KCNJ16: variants seen among roughly 807,000 people sequenced by gnomAD.
KCNJ16 encodes inward rectifier potassium channel 16.
KCNJ16 carries 15 observed loss-of-function variants against 18.5 expected under a neutral mutation model. That is an observed-to-expected ratio of 0.81 (90% CI 0.54 to 1.25). The LOEUF (loss-of-function observed/expected upper bound fraction) is 1.25, where lower values mean the gene tolerates loss of function less well. Ranked by LOEUF, KCNJ16 falls within the 50% of genes most tolerant of loss-of-function variation. KCNJ16 has a pLI of 0.00. For missense variants in KCNJ16, 523 were observed against 525.7 expected (o/e 0.99, Z 0.05); for synonymous variants, 174 against 186.5 (o/e 0.93, Z 0.55).
At chr17:70,119,009 G>T (rs1379443308) in intron 2 of KCNJ16, among the ~76,000 whole-genome samples, 1 of 152,182 alleles carries the variant, frequency 6.6e-6, no homozygotes, top group East Asian at 1.9e-4. Context: ...GTACAAACAG[G>T]CGTTGGATAA....
intron 2 of KCNJ16, among the ~76,000 whole-genome samples, chr17:70,111,055 G>A (rs938022989): frequency 2.6e-5 from 4 of 152,016 alleles, no homozygotes; most frequent in African/African-American, 9.7e-5. Flanking sequence ...CTACAACCCT[G>A]GTGTCTGGAG....
intron 1 of KCNJ16, among the ~76,000 whole-genome samples, chr17:70,089,501 T>C (rs1422349846): frequency 1.3e-5 from 2 of 152,202 alleles, no homozygotes; most frequent in Non-Finnish European, 2.9e-5. Context: ...TTTGTTTGTT[T>C]GTATGTTTTA....
At chr17:70,093,607 A>T (rs925547049) in intron 1 of KCNJ16, among the ~76,000 whole-genome samples, 3 of 152,202 alleles carry the variant, frequency 2.0e-5, no homozygotes, top group African/African-American at 7.2e-5. Flanking sequence ...CCCATAATAG[A>T]TAGTGATGAC....
chr17:70,090,736 G>A (rs1317416635), intron 1 of KCNJ16, among the ~76,000 whole-genome samples: 1 of 145,912 alleles, frequency 6.9e-6, no homozygotes, highest in East Asian at 2.0e-4. Flanking sequence ...TCACAATATG[G>A]CTAACCCACT....
chr17:70,108,470 A>AG, intron 2 of KCNJ16: 1 of 148,444 alleles, frequency 6.7e-6, no homozygotes, highest in African/African-American at 2.6e-5. Context: ...CATAGTTTAA[A>AG]AGACAAATCA....
At chr17:70,119,712 C>A (rs557309841) in intron 2 of KCNJ16, among the ~76,000 whole-genome samples, 1 of 152,338 alleles carries the variant, frequency 6.6e-6, no homozygotes, top group East Asian at 1.9e-4. Flanking sequence ...GGGCCCTAGG[C>A]CCTGCCCACA....
At chr17:70,084,963 C>A (rs972930778) in intron 1 of KCNJ16, among the ~76,000 whole-genome samples, 1 of 152,130 alleles carries the variant, frequency 6.6e-6, no homozygotes, top group East Asian at 1.9e-4. Flanking sequence ...CCAACGCTTT[C>A]ATCTTAATCT....
chr17:70,118,446 C>T (rs191839724), intron 2 of KCNJ16, among the ~76,000 whole-genome samples: 1 of 151,696 alleles, frequency 6.6e-6, no homozygotes, highest in East Asian at 1.9e-4. Context: ...CAAATAAATG[C>T]TGAAAAAAAA....
chr17:70,133,552 A>C lies in KCNJ16; in HGVS notation c.*208A>C, dbSNP rs2074141131. ...TTTTCTTGTTCGCCAATTTTGTATT[A>C]AGAATGCTATTAAGCCTAATTGATT... On this transcript the variant is annotated 3_prime_UTR_variant, in exon 4 of 4. Transcript: ENST00000392671. The C allele has an allele frequency of 5.8e-6, 3 of 514,046 alleles. No individual in the cohort carries two copies. Among genetic ancestry groups the C allele is most frequent in the Non-Finnish European group, 1.1e-5 (3 of 285,142 alleles). 31.8% of individuals were successfully genotyped at this position (514,046 alleles called of 1,614,324 possible).
chr17:70,123,360 A>G (rs554759065), intron 2 of KCNJ16, among the ~76,000 whole-genome samples: 1 of 152,354 alleles, frequency 6.6e-6, no homozygotes, highest in Non-Finnish European at 1.5e-5. Flanking sequence ...TGCATGAGTC[A>G]TGCAGCCTTT....
chr17:70,129,543 T>C (rs990824179), intron 2 of KCNJ16, among the ~76,000 whole-genome samples: 1 of 152,190 alleles, frequency 6.6e-6, no homozygotes, highest in Admixed American at 6.5e-5. Flanking sequence ...CAACTGTCTT[T>C]TAAAAAATGC....
At chr17:70,094,712 C>A (rs1210117774) in intron 1 of KCNJ16, among the ~76,000 whole-genome samples, 1 of 152,082 alleles carries the variant, frequency 6.6e-6, no homozygotes, top group Non-Finnish European at 1.5e-5. Context: ...ATACCACTGT[C>A]CCCCGCAGGT....
At position 70,132,813 on chromosome 17, in the gene KCNJ16, C is replaced by T. The variant is rs139278036; in HGVS notation, c.726C>T (p.Asn242=). The T allele has an allele frequency of 1.2e-3, 1,998 of 1,613,956 alleles. 25 individuals carry two copies. The South Asian group carries it at 0.015, about 12-fold the overall frequency. Residue 242 remains asparagine (N), a synonymous_variant, in exon 4 of 4, where the codon AAC becomes AAT. Coordinates refer to ENST00000392671, the MANE Select transcript of KCNJ16 (RefSeq NM_170741.4). ...TMAFKDLKLV[N]DQIILVTPVT... is the part of the protein sequence containing the mutation. ...CATTTAAAGACCTCAAATTAGTCAACGACCAAATCATCCTGGTCACCCCGG... is the reference window on the plus strand; with the variant it reads ...CATTTAAAGACCTCAAATTAGTCAATGACCAAATCATCCTGGTCACCCCGG...
At chr17:70,114,295 A>G (rs1468968484) in intron 2 of KCNJ16, among the ~76,000 whole-genome samples, 2 of 152,162 alleles carry the variant, frequency 1.3e-5, no homozygotes, top group African/African-American at 4.8e-5. Flanking sequence ...AGCAGATTGA[A>G]TAGACTAATA....
intron 2 of KCNJ16, among the ~76,000 whole-genome samples, chr17:70,122,445 G>C (rs1297182881): frequency 6.6e-6 from 1 of 152,102 alleles, no homozygotes; most frequent in Non-Finnish European, 1.5e-5. Flanking sequence ...CCAAAGTGCT[G>C]GAATTACAGG....
chr17:70,127,189 T>C (rs1454380157), intron 2 of KCNJ16, among the ~76,000 whole-genome samples: 1 of 151,944 alleles, frequency 6.6e-6, no homozygotes, highest in East Asian at 1.9e-4. Flanking sequence ...GGAGAAGAGA[T>C]CAGAAAGGGA....
intron 1 of KCNJ16, among the ~76,000 whole-genome samples, chr17:70,079,948 C>G (rs931240782): frequency 6.6e-6 from 1 of 152,134 alleles, no homozygotes; most frequent in Non-Finnish European, 1.5e-5. Context: ...AGTAATCCAC[C>G]CACTTCGGCC....
chr17:70,119,950 C>CT (rs2073565250), intron 2 of KCNJ16, among the ~76,000 whole-genome samples: 1 of 152,208 alleles, frequency 6.6e-6, no homozygotes, highest in Admixed American at 6.5e-5. Flanking sequence ...ATTTTCCAAA[C>CT]TTTTACACTC....
In KCNJ16 at chr17:70,133,627, T is replaced by G. The variant is rs1182553777; in HGVS notation, c.*283T>G. The G allele has an allele frequency of 3.7e-6, 1 of 267,664 alleles. No individual in the cohort carries two copies. The highest frequency in any genetic ancestry group is 7.5e-6 in the Non-Finnish European group (1 of 132,576). The allele number at this position is 267,664 out of a possible 1,614,324, so 16.6% of individuals were successfully genotyped here. On this transcript the variant is annotated 3_prime_UTR_variant, in exon 4 of 4. Transcript: ENST00000392671. ...ACATGCTTGTATCTTCAGTTGGAGG[T>G]GTAGTATTCAAAAACGGGGAATGAA...
Sources: gnomAD v4.1 joint callset for allele counts (sites outside exome capture counted in the v4.1 genomes callset) on GRCh38, gnomAD v4.1.1 for gene constraint, MANE v1.5 for transcripts, NCBI Gene and HGNC (gene_info 2026-07-23, HGNC 2026-07-21) for gene names.